HSPH1: variants seen among roughly 807,000 people sequenced by gnomAD.
HSPH1 encodes heat shock protein 105 kDa.
In HSPH1, 40 loss-of-function variants were observed where a neutral mutation model predicts 100.0. That is an observed-to-expected ratio of 0.40 (90% CI 0.31 to 0.52). The LOEUF is 0.52. Ranked by LOEUF, HSPH1 falls within the 20% of genes least tolerant of loss-of-function variation. The probability of loss-of-function intolerance (pLI) is 0.54; values close to 1 mark genes in which losing one functional copy is unlikely to be tolerated. For missense variants in HSPH1, 876 were observed against 1,015.1 expected (o/e 0.86, Z 1.86); for synonymous variants, 403 against 344.0 (o/e 1.17, Z -1.90).
Position 31,139,078 on chromosome 13 carries a change from T to C in HSPH1, c.2010A>G (p.Thr670=), listed in dbSNP as rs1773682324. Residue 670 remains threonine, a synonymous_variant, in exon 15 of 18, where the codon ACA becomes ACG. Coordinates refer to ENST00000320027, the MANE Select transcript of HSPH1 (RefSeq NM_006644.4). ...QDHQNFLRLL[T]ETEDWLYEEG... ...CTTCATACAGCCAGTCTTCAGTTTC[T>C]GTGAGGAGTCTCAAAAAATTTTGAT... The C allele has an allele frequency of 6.2e-7, 1 of 1,612,638 alleles. No individual in the cohort carries two copies. The highest frequency in any genetic ancestry group is 1.7e-5 in the Admixed American group (1 of 59,968).
In HSPH1 at chr13:31,137,071, T is replaced by C. The variant is rs908692495; in HGVS notation, c.*247A>G. ...GTTTCATCCTCAGTGATGCAAATGG[T>C]GAGACTGCACAGAAAGCTTAGTATG... On this transcript the variant is annotated 3_prime_UTR_variant, in exon 18 of 18. Coordinates refer to ENST00000320027, the MANE Select transcript of HSPH1 (RefSeq NM_006644.4). 5 of 650,198 alleles carry C rather than the reference T, an allele frequency of 7.7e-6. No homozygotes were observed. The highest frequency in any genetic ancestry group is 1.8e-5 in the African/African-American group (1 of 55,382). The allele number at this position is 650,198 out of a possible 1,614,324, so 40.3% of individuals were successfully genotyped here.
chr13:31,161,798 C>T lies in HSPH1; in HGVS notation c.-216G>A. Reference sequence around the variant, plus strand: ...CAGCGGCGGCTGGCTGATAAGAAACCCTGGGAGAAAGCGGGGCTCAGCCTC... The same window carrying T: ...CAGCGGCGGCTGGCTGATAAGAAACTCTGGGAGAAAGCGGGGCTCAGCCTC... On this transcript the variant is annotated 5_prime_UTR_variant, in exon 1 of 18. Transcript: ENST00000320027. 5 of 1,490,074 alleles carry T rather than the reference C, an allele frequency of 3.4e-6. No homozygotes were observed. The highest frequency in any genetic ancestry group is 4.5e-6 in the Non-Finnish European group (5 of 1,121,436). The allele number at this position is 1,490,074 out of a possible 1,614,324, so 92.3% of individuals were successfully genotyped here. A position where few individuals can be genotyped will look rare whatever the true frequency, so the allele number is the denominator to read the frequency against.
chr13:31,144,839 A>G (rs182165217), intron 11 of HSPH1, among the ~76,000 whole-genome samples: 1 of 152,162 alleles, frequency 6.6e-6, no homozygotes, highest in Non-Finnish European at 1.5e-5. Context: ...GATGAGAATA[A>G]AACTACGGTT....
intron 13 of HSPH1, chr13:31,140,536 G>A (rs1189304540): frequency 5.9e-5 from 14 of 238,778 alleles, no homozygotes; most frequent in Non-Finnish European, 7.7e-5. Context: ...CGATTACACA[G>A]ACTTCATATT....
intron 12 of HSPH1, among the ~76,000 whole-genome samples, chr13:31,142,482 A>G (rs1956131369): frequency 6.6e-6 from 1 of 152,122 alleles, no homozygotes; most frequent in Admixed American, 6.6e-5. Flanking sequence ...GCCACAGGAA[A>G]GAAAAATGAA....
At position 31,151,121 on chromosome 13, in the gene HSPH1, C is replaced by G. The variant is rs1257270778; in HGVS notation, c.734G>C (p.Cys245Ser). Reference sequence around the variant, plus strand: ...CTTGTACTTAGTTTTAAATTCTGCACAAAAATGTTCCACTAACTTTTCATC... The same window carrying G: ...CTTGTACTTAGTTTTAAATTCTGCAGAAAAATGTTCCACTAACTTTTCATC... ...NFDEKLVEHF[C>S]AEFKTKYKLD... Residue 245 changes from cysteine (C) to serine (S), a missense_variant, in exon 7 of 18, where the codon TGT becomes TCT. Coordinates refer to ENST00000320027, the MANE Select transcript of HSPH1 (RefSeq NM_006644.4). The G allele has an allele frequency of 8.1e-6, 13 of 1,613,418 alleles. No individual in the cohort carries two copies. The highest frequency in any genetic ancestry group is 1.1e-5 in the Non-Finnish European group (13 of 1,179,658).
chr13:31,141,097 A>G (rs1956072737), intron 13 of HSPH1, 25 bp downstream of exon 13: 1 of 1,413,558 alleles, frequency 7.1e-7, no homozygotes, highest in Non-Finnish European at 9.6e-7. Flanking sequence ...ATTTCAAAAT[A>G]AAAATATTTA....
At chr13:31,156,463 C>A (rs1339810117) in intron 2 of HSPH1, among the ~76,000 whole-genome samples, 1 of 151,826 alleles carries the variant, frequency 6.6e-6, no homozygotes, top group Admixed American at 6.6e-5. Context: ...AATTGAGAGG[C>A]TGAGGCAGGA....
intron 1 of HSPH1, 43 bp downstream of exon 1, chr13:31,161,433 G>C (rs182251311): frequency 6.2e-7 from 1 of 1,609,202 alleles, no homozygotes; most frequent in African/African-American, 1.3e-5. Context: ...CACACTAAGG[G>C]CCCAGAACCT....
At position 31,161,657 on chromosome 13, in the gene HSPH1, C is replaced by T. The variant is rs1593223761; in HGVS notation, c.-75G>A. 2.5e-6 allele frequency: 4 copies of T among 1,586,678 alleles called. No individual in the cohort carries two copies. In the African/African-American group the frequency reaches 4.0e-5, roughly 16 times the overall value. On this transcript the variant is annotated 5_prime_UTR_variant, in exon 1 of 18. Transcript: ENST00000320027. ...GCCCCCTGCCTGCTTCTCCTGCCGC[C>T]GCTTTCTGCCCTGGCCGCGTTCTGC...
chr13:31,155,103 T>C (rs1481897802), intron 3 of HSPH1, among the ~76,000 whole-genome samples: 3 of 152,142 alleles, frequency 2.0e-5, no homozygotes, highest in Admixed American at 6.5e-5. Flanking sequence ...AGGATAAATA[T>C]TATTGTGTGT....
rs150222640 is a variant in HSPH1 at position 31,135,472 on chromosome 13, A to G, written c.*1846T>C. 6.6e-6 allele frequency: 1 copy of G among 152,392 alleles called. No homozygotes were observed. Among genetic ancestry groups the G allele is most frequent in the East Asian group, 1.9e-4 (1 of 5,194 alleles). The allele number at this position is 152,392 out of a possible 1,614,324, so 9.4% of individuals were successfully genotyped here. On this transcript the variant is annotated 3_prime_UTR_variant, in exon 18 of 18. Transcript: ENST00000320027. ...ATTTAAAGTTGCTAAATGGTAAAGC[A>G]GCTAGAAATTATAAAGTAGGGAAAT...
chr13:31,153,506 C>G (rs1956561940), intron 4 of HSPH1, among the ~76,000 whole-genome samples: 2 of 152,180 alleles, frequency 1.3e-5, no homozygotes, highest in South Asian at 2.1e-4. Context: ...TTTCAATTTT[C>G]CTAAGAGTAA....
At chr13:31,160,328 C>T (rs1956852014) in intron 1 of HSPH1, among the ~76,000 whole-genome samples, 1 of 152,176 alleles carries the variant, frequency 6.6e-6, no homozygotes, top group Non-Finnish European at 1.5e-5. Context: ...GAACAGTCTT[C>T]CTAACGTTAC....
At position 31,150,101 on chromosome 13, in the gene HSPH1, G is replaced by A. The variant is rs1956428741; in HGVS notation, c.990C>T (p.Leu330=). 2 of 1,613,484 alleles carry A rather than the reference G, an allele frequency of 1.2e-6. No individual in the cohort carries two copies. Among genetic ancestry groups the A allele is most frequent in the Admixed American group, 1.7e-5 (1 of 59,968 alleles). The part of the protein sequence containing the change: ...PLYSLLEQTH[L]KVEDVSAVEI... ...CAACTGCACTCACATCTTCTACTTT[G>A]AGATGAGTTTGTTCCAACAGTGAAT... Residue 330 remains leucine (L), a synonymous_variant, in exon 8 of 18, where the codon CTC becomes CTT. Transcript: ENST00000320027.
Position 31,156,996 on chromosome 13 carries a change from G to A in HSPH1, c.166-1342C>T, listed in dbSNP as rs1456984867. 2.6e-5 allele frequency among the ~76,000 whole-genome samples: 4 copies of A among 152,150 alleles called. No individual in the cohort carries two copies. In the East Asian group the frequency reaches 7.7e-4, roughly 29 times the overall value. ...AAATAACTGTAAGATTGAAAACTAA[G>A]ACTTCTGAAATTATTAGCTTAAAAA... On this transcript the variant is annotated intron_variant, in intron 2 of 17. Transcript: ENST00000320027.
In HSPH1 at chr13:31,151,683, T is replaced by C. The variant is rs760125780; in HGVS notation, c.589A>G (p.Ile197Val). ...TGTCCCATATCAACAAAAACCACTA[T>C]CCGAGGTTTCTCATCCAGGCTTGGG... ...DLPSLDEKPR[I>V]VVFVDMGHSA... Residue 197 changes from isoleucine to valine, a missense_variant, in exon 6 of 18, where the codon ATA becomes GTA. Physicochemically the swap from Ile to Val is conservative, Grantham distance 29. Coordinates refer to ENST00000320027, the MANE Select transcript of HSPH1 (RefSeq NM_006644.4). The C allele has an allele frequency of 8.1e-6, 13 of 1,612,430 alleles. No homozygotes were observed. In the Admixed American group the frequency reaches 1.5e-4, roughly 19 times the overall value.
chr13:31,139,045 C>T lies in HSPH1; in HGVS notation c.2043G>A (p.Glu681=), dbSNP rs763550733. 3.7e-6 allele frequency: 6 copies of T among 1,613,036 alleles called. No individual in the cohort carries two copies. ...CAACATATGCTTGTTTAGCTTGGTC[C>T]TCTCCTTCTTCATACAGCCAGTCTT... ...ETEDWLYEEG[E]DQAKQAYVDK... is the part of the protein sequence containing the mutation. Residue 681 remains glutamate, a synonymous_variant, in exon 15 of 18, where the codon GAG becomes GAA. Transcript: ENST00000320027.
chr13:31,151,766 A>T (rs1342054972), intron 5 of HSPH1, 24 bp from the exon 6 acceptor site: 4 of 1,585,434 alleles, frequency 2.5e-6, no homozygotes, highest in Admixed American at 3.7e-5. Context: ...GTATGTTTCA[A>T]TTCTTTGGTT....
Sources: allele counts gnomAD v4.1 joint callset (sites outside exome capture counted in the v4.1 genomes callset), GRCh38; gene constraint gnomAD v4.1.1; transcripts MANE v1.5; gene names NCBI Gene and HGNC (gene_info 2026-07-23, HGNC 2026-07-21).